Variants in MCPH1 observed in about 807,000 individuals in gnomAD.
MCPH1 encodes the protein microcephalin.
In MCPH1, 104 loss-of-function variants were observed where a neutral mutation model predicts 84.5. The observed-to-expected ratio is 1.23, with a 90% confidence interval of 1.05 to 1.45. MCPH1 has a LOEUF of 1.45. MCPH1 is among the 40% of genes most tolerant of loss of function. The probability of loss-of-function intolerance (pLI) is 0.00; values close to 1 mark genes in which losing one functional copy is unlikely to be tolerated. For missense variants in MCPH1, 1,498 were observed against 1,005.7 expected (o/e 1.49, Z -6.62); for synonymous variants, 514 against 366.8 (o/e 1.40, Z -4.58).
intron 12 of MCPH1, among the ~76,000 whole-genome samples, chr8:6,571,629 G>C (rs1241468887): frequency 6.6e-6 from 1 of 151,994 alleles, no homozygotes; most frequent in African/African-American, 2.4e-5. Context: ...AGATAAAAAT[G>C]TCATATGTGC....
chr8:6,482,613 C>G (rs1193554945), intron 11 of MCPH1, among the ~76,000 whole-genome samples: 2 of 152,192 alleles, frequency 1.3e-5, no homozygotes, highest in Non-Finnish European at 2.9e-5. Context: ...TCTTCTGGGA[C>G]TTGGAGCAGT....
intron 12 of MCPH1, chr8:6,501,940 T>C (rs1029729830): frequency 2.6e-5 from 4 of 152,052 alleles, no homozygotes; most frequent in African/African-American, 9.7e-5. Flanking sequence ...TTTTTTTTTT[T>C]TCAGTTTGCT....
intron 11 of MCPH1, among the ~76,000 whole-genome samples, chr8:6,496,794 A>G (rs1240641920): frequency 2.0e-5 from 3 of 152,096 alleles, no homozygotes; most frequent in Non-Finnish European, 2.9e-5. Flanking sequence ...TTACAGTTGT[A>G]TTTTCCATCC....
rs144675765 is a variant in MCPH1 at position 6,642,873 on chromosome 8, G to A, written c.2453-121G>A. The stretch of plus-strand genomic sequence containing the variant: ...GCTCTATGGACGTGGGGGGGCCTAT[G>A]GACAACACAGCTCTTGGCTATTTGT... On this transcript the variant is annotated intron_variant, in intron 13 of 13. Coordinates refer to ENST00000344683, the MANE Select transcript of MCPH1 (RefSeq NM_024596.5). The A allele has an allele frequency of 4.2e-5, 38 of 909,188 alleles. No individual in the cohort carries two copies. In the East Asian group the frequency reaches 9.3e-4, roughly 22 times the overall value. 56.3% of individuals were successfully genotyped at this position (909,188 alleles called of 1,614,324 possible). A position where few individuals can be genotyped will look rare whatever the true frequency, so the allele number is the denominator to read the frequency against.
chr8:6,464,866 GTA>G (rs773905209), intron 9 of MCPH1, among the ~76,000 whole-genome samples: 5 of 152,156 alleles, frequency 3.3e-5, no homozygotes, highest in South Asian at 2.1e-4. Context: ...GGGTGTGGTG[GTA>G]CACACCTGTA....
chr8:6,628,662 TG>T lies in MCPH1; in HGVS notation c.2452+6973del, dbSNP rs1272391505. Reference sequence around the variant, plus strand: ...TATGCTGCTCCAAGCATTTTGGTTGTGGCAGGAAACTTTGAAGACTATTTTG... The same window carrying T: ...TATGCTGCTCCAAGCATTTTGGTTGTGCAGGAAACTTTGAAGACTATTTTG... On this transcript the variant is annotated intron_variant, in intron 13 of 13. Coordinates refer to ENST00000344683, the MANE Select transcript of MCPH1 (RefSeq NM_024596.5). Among the ~76,000 whole-genome samples the T allele has an allele frequency of 2.6e-5, 4 of 152,302 alleles. No homozygotes were observed. In the East Asian group the frequency reaches 7.7e-4, roughly 29 times the overall value.
At chr8:6,498,599 G>T (rs1811562496) in intron 11 of MCPH1, among the ~76,000 whole-genome samples, 2 of 152,124 alleles carry the variant, frequency 1.3e-5, no homozygotes, top group African/African-American at 4.8e-5. Context: ...TTTTAATGTG[G>T]ATTATATTTG....
rs1443182151 is a variant in MCPH1 at position 6,647,812 on chromosome 8, G to A, written c.*4763G>A. The A allele has an allele frequency of 6.6e-6, 1 of 152,164 alleles. No homozygotes were observed. Among genetic ancestry groups the A allele is most frequent in the African/African-American group, 2.4e-5 (1 of 41,416 alleles). 9.4% of individuals were successfully genotyped at this position (152,164 alleles called of 1,614,324 possible). ...GGGATGATGGAAACATTCTAAAACT[G>A]GATTGTGATTTTGGTTACACAACTG... On this transcript the variant is annotated 3_prime_UTR_variant, in exon 14 of 14. Transcript: ENST00000344683.
chr8:6,568,788 C>G (rs1053554125), intron 12 of MCPH1, among the ~76,000 whole-genome samples: 7 of 152,250 alleles, frequency 4.6e-5, no homozygotes, highest in Non-Finnish European at 1.0e-4. Flanking sequence ...ACGGCCTGCC[C>G]GGCTACAGTC....
chr8:6,570,113 C>T (rs1019457898), intron 12 of MCPH1, among the ~76,000 whole-genome samples: 1 of 152,190 alleles, frequency 6.6e-6, no homozygotes, highest in Non-Finnish European at 1.5e-5. Flanking sequence ...ATTGTTTGGG[C>T]TTAAATAACT....
chr8:6,444,791 A>C lies in MCPH1; in HGVS notation c.1069A>C (p.Lys357Gln), dbSNP rs779574623. Residue 357 changes from lysine to glutamine, a missense_variant, in exon 8 of 14, where the codon AAA (lysine) becomes CAA (glutamine). Physicochemically the swap from Lys to Gln is moderately conservative, Grantham distance 53. Coordinates refer to ENST00000344683, the MANE Select transcript of MCPH1 (RefSeq NM_024596.5). ...SRPRSSSVKR[K>Q]RVSHGSHSPP... ...ACCCAGGAGTTCCTCAGTAAAGAGAAAAAGAGTATCACATGGCTCCCATTC... is the reference window on the plus strand; with the variant it reads ...ACCCAGGAGTTCCTCAGTAAAGAGACAAAGAGTATCACATGGCTCCCATTC... 8.6e-5 allele frequency: 138 copies of C among 1,614,002 alleles called. No individual in the cohort carries two copies. Among genetic ancestry groups the C allele is most frequent in the Middle Eastern group, 1.6e-4 (1 of 6,084 alleles).
intron 3 of MCPH1, among the ~76,000 whole-genome samples, chr8:6,416,871 A>G (rs544959617): frequency 1.4e-4 from 21 of 152,168 alleles, no homozygotes; most frequent in Admixed American, 5.2e-4. Flanking sequence ...GCGTGTGCCT[A>G]TAGTCCCAGC....
rs183190840 is a variant in MCPH1 at position 6,594,209 on chromosome 8, G to A, written c.2215-27245G>A. On this transcript the variant is annotated intron_variant, in intron 12 of 13. Transcript: ENST00000344683. ...GTGTGCCCAGGTCATACCCAAACAG[G>A]AGCATTCCTTATGCTGGTCCTGGAC... Among the ~76,000 whole-genome samples the A allele has an allele frequency of 1.8e-4, 27 of 152,344 alleles. No individual in the cohort carries two copies. The East Asian group carries it at 5.2e-3, about 29-fold the overall frequency.
At chr8:6,541,843 A>G (rs1439298498) in intron 12 of MCPH1, among the ~76,000 whole-genome samples, 1 of 152,074 alleles carries the variant, frequency 6.6e-6, no homozygotes, top group Non-Finnish European at 1.5e-5. Context: ...ATCTCTACAG[A>G]AAATTTTTTT....
intron 12 of MCPH1, among the ~76,000 whole-genome samples, chr8:6,570,462 C>T (rs935788349): frequency 2.6e-5 from 4 of 152,192 alleles, no homozygotes; most frequent in African/African-American, 7.2e-5. Context: ...TCCTGGGAAA[C>T]AGCCATTTCC....
chr8:6,581,700 C>T (rs1827579244), intron 12 of MCPH1, among the ~76,000 whole-genome samples: 1 of 152,182 alleles, frequency 6.6e-6, no homozygotes, highest in South Asian at 2.1e-4. Context: ...AAACTTTTCT[C>T]AACTGCTATC....
intron 11 of MCPH1, among the ~76,000 whole-genome samples, chr8:6,495,096 C>T (rs1343367197): frequency 3.9e-5 from 6 of 152,158 alleles, no homozygotes; most frequent in Non-Finnish European, 2.9e-5. Context: ...TTTGCCAGTT[C>T]AAGCTGGTCT....
At chr8:6,412,754 A>G (rs978618146) in intron 2 of MCPH1, among the ~76,000 whole-genome samples, 3 of 152,226 alleles carry the variant, frequency 2.0e-5, no homozygotes, top group Admixed American at 6.5e-5. Context: ...GTCTTAATCT[A>G]GAATCTCAGC....
intron 12 of MCPH1, among the ~76,000 whole-genome samples, chr8:6,583,245 GA>G (rs1827701487): frequency 6.6e-6 from 1 of 151,424 alleles, no homozygotes. Flanking sequence ...CTTTATGCTT[GA>G]TTTTTTTTTA....
Sources: gnomAD v4.1 joint callset for allele counts (sites outside exome capture counted in the v4.1 genomes callset) on GRCh38, gnomAD v4.1.1 for gene constraint, MANE v1.5 for transcripts, NCBI Gene and HGNC (gene_info 2026-07-23, HGNC 2026-07-21) for gene names.